GSE1: variants seen among roughly 807,000 people sequenced by gnomAD.
GSE1 encodes genetic suppressor element 1.
In GSE1, 32 loss-of-function variants were observed where a neutral mutation model predicts 112.6. That is an observed-to-expected ratio of 0.28 (90% CI 0.21 to 0.38). The LOEUF is 0.38. GSE1 is among the 10% of genes least tolerant of loss of function. The pLI is 1.00. For synonymous variants in GSE1, 1,115 were observed against 735.6 expected, an observed-to-expected ratio of 1.52 and a Z score of -8.35; for missense variants, 2,348 against 1,699.2, an observed-to-expected ratio of 1.38 and a Z score of -6.71.
chr16:85,187,540 C>T (rs1275235418), intron 1 of GSE1, among the ~76,000 whole-genome samples: 1 of 152,258 alleles, frequency 6.6e-6, no homozygotes, highest in African/African-American at 2.4e-5. Flanking sequence ...GAAGCTGAGG[C>T]CAGCGCGAGT....
chr16:85,323,968 C>T (rs913510489), intron 1 of GSE1, among the ~76,000 whole-genome samples: 6 of 152,224 alleles, frequency 3.9e-5, no homozygotes, highest in Non-Finnish European at 7.3e-5. Flanking sequence ...ACTGCTTCTG[C>T]ACCACCCGAT....
At chr16:85,664,444 C>T (rs2052672394) in intron 11 of GSE1, 1 of 152,334 alleles carries the variant, frequency 6.6e-6, no homozygotes, top group African/African-American at 2.4e-5. Flanking sequence ...TGTTGATTGC[C>T]AGCCCAGTTC....
chr16:85,390,084 T>C (rs866886549), intron 2 of GSE1, among the ~76,000 whole-genome samples: 14 of 152,224 alleles, frequency 9.2e-5, no homozygotes, highest in Non-Finnish European at 1.9e-4. Context: ...GTACAGATTA[T>C]TTCTTTATCT....
intron 2 of GSE1, among the ~76,000 whole-genome samples, chr16:85,381,973 C>A (rs4783184): frequency 0.61 from 92,957 of 152,148 alleles, 30,442 homozygotes; most frequent in Non-Finnish European, 0.74. Context: ...GGTCCCAGGC[C>A]CAGGAATAAA....
intron 1 of GSE1, among the ~76,000 whole-genome samples, chr16:85,264,872 C>G (rs1908075968): frequency 6.6e-6 from 1 of 152,122 alleles, no homozygotes; most frequent in Non-Finnish European, 1.5e-5. Flanking sequence ...GATCAGACGC[C>G]CTGGGTCCTT....
At chr16:85,374,004 CAT>C (rs1398397393) in intron 2 of GSE1, among the ~76,000 whole-genome samples, 5 of 152,168 alleles carry the variant, frequency 3.3e-5, no homozygotes, top group Non-Finnish European at 5.9e-5. Context: ...TGGGTGTCCA[CAT>C]GTGTCAGGTT....
At chr16:85,331,188 TGTCACCCAGGCTGTAGTGCA>T (rs2046332604) in intron 1 of GSE1, among the ~76,000 whole-genome samples, 1 of 150,440 alleles carries the variant, frequency 6.6e-6, no homozygotes, top group Non-Finnish European at 1.5e-5. Flanking sequence ...ACTCTCACTG[TGTCACCCAGGCTGTAGTGCA>T]GTGGCACGAT....
At chr16:85,304,314 C>T (rs1426839896) in intron 1 of GSE1, among the ~76,000 whole-genome samples, 1 of 152,186 alleles carries the variant, frequency 6.6e-6, no homozygotes, top group Non-Finnish European at 1.5e-5. Context: ...GACCTCCTGC[C>T]CTTTTCTTCT....
At chr16:85,243,013 G>T (rs1377453681) in intron 1 of GSE1, among the ~76,000 whole-genome samples, 1 of 152,200 alleles carries the variant, frequency 6.6e-6, no homozygotes, top group Admixed American at 6.5e-5. Flanking sequence ...GGGTCTCGCT[G>T]TGTTGCCCAG....
intron 1 of GSE1, among the ~76,000 whole-genome samples, chr16:85,246,200 TACACAC>T (rs545313239): frequency 0.018 from 1,595 of 89,066 alleles, 18 homozygotes; most frequent in Middle Eastern, 0.056. Context: ...TCAGGGACCC[TACACAC>T]ACACACACAC....
chr16:85,640,760 G>A (rs2050375755), intron 2 of GSE1, among the ~76,000 whole-genome samples: 1 of 152,274 alleles, frequency 6.6e-6, no homozygotes, highest in Non-Finnish European at 1.5e-5. Flanking sequence ...CACGGAGGAA[G>A]GATCCCGCCT....
chr16:85,314,692 A>G (rs990437245), intron 1 of GSE1, among the ~76,000 whole-genome samples: 1 of 152,138 alleles, frequency 6.6e-6, no homozygotes, highest in African/African-American at 2.4e-5. Flanking sequence ...TCTGGCTTAG[A>G]AGCCTGGAGC....
At chr16:85,542,575 C>A (rs995061686) in intron 2 of GSE1, among the ~76,000 whole-genome samples, 1 of 152,264 alleles carries the variant, frequency 6.6e-6, no homozygotes, top group Non-Finnish European at 1.5e-5. Flanking sequence ...TGCTCCACCC[C>A]ACAAACAACC....
intron 2 of GSE1, among the ~76,000 whole-genome samples, chr16:85,525,488 C>G (rs1411715662): frequency 6.6e-6 from 1 of 152,234 alleles, no homozygotes; most frequent in Non-Finnish European, 1.5e-5. Context: ...CAGTTTCCCT[C>G]CTACCCTGCT....
intron 2 of GSE1, among the ~76,000 whole-genome samples, chr16:85,542,307 T>C (rs1309062585): frequency 6.6e-6 from 1 of 152,156 alleles, no homozygotes; most frequent in African/African-American, 2.4e-5. Flanking sequence ...GCAGATGGTG[T>C]GTCTGAGTTT....
chr16:85,438,436 A>G (rs2049303309), intron 2 of GSE1, among the ~76,000 whole-genome samples: 1 of 152,206 alleles, frequency 6.6e-6, no homozygotes, highest in Non-Finnish European at 1.5e-5. Context: ...TTCGTGGGCA[A>G]CATCAGCTGC....
intron 2 of GSE1, among the ~76,000 whole-genome samples, chr16:85,464,502 C>T (rs1597833289): frequency 6.6e-6 from 1 of 152,240 alleles, no homozygotes; most frequent in East Asian, 1.9e-4. Context: ...GGAGGAGGGC[C>T]TCGGCAGCCC....
chr16:85,256,954 A>C (rs1907147556), intron 1 of GSE1, among the ~76,000 whole-genome samples: 1 of 152,190 alleles, frequency 6.6e-6, no homozygotes, highest in Non-Finnish European at 1.5e-5. Context: ...CAGATCTAGA[A>C]GGTTCTTTCT....
chr16:85,374,550 G>A (rs1164304038), intron 2 of GSE1, among the ~76,000 whole-genome samples: 12 of 151,910 alleles, frequency 7.9e-5, no homozygotes, highest in Admixed American at 1.3e-4. Flanking sequence ...GTGTGCGCGC[G>A]CGCGTGCACA....
Sources: allele counts gnomAD v4.1 joint callset (sites outside exome capture counted in the v4.1 genomes callset), GRCh38; gene constraint gnomAD v4.1.1; transcripts MANE v1.5; gene names NCBI Gene and HGNC (gene_info 2026-07-23, HGNC 2026-07-21).